Variants in CAPRIN1 observed in about 807,000 individuals in gnomAD.
CAPRIN1 encodes caprin-1.
In CAPRIN1, 29 loss-of-function variants were observed where a neutral mutation model predicts 100.9. The ratio of observed to expected loss-of-function variants is 0.29; its 90% CI spans 0.21 to 0.39. CAPRIN1 has a LOEUF of 0.39. Ranked by LOEUF, CAPRIN1 falls within the 10% of genes least tolerant of loss-of-function variation. CAPRIN1 has a pLI of 1.00. For synonymous variants in CAPRIN1, 338 were observed against 307.5 expected, an observed-to-expected ratio of 1.10 and a Z score of -1.04; for missense variants, 795 against 876.7, an observed-to-expected ratio of 0.91 and a Z score of 1.18.
intron 12 of CAPRIN1, 139 bp downstream of exon 12, chr11:34,089,595 C>A: frequency 2.5e-6 from 1 of 407,100 alleles, no homozygotes; most frequent in Non-Finnish European, 4.5e-6. Context: ...AGCGAGACAC[C>A]ATCTCTATTT....
At chr11:34,054,568 C>G (rs1850408369) in intron 2 of CAPRIN1, among the ~76,000 whole-genome samples, 1 of 152,072 alleles carries the variant, frequency 6.6e-6, no homozygotes, top group Non-Finnish European at 1.5e-5. Context: ...GCTGGGAGTA[C>G]AGGTGCCTGC....
In CAPRIN1 at chr11:34,092,047, CT is replaced by C; in HGVS notation, c.1698del (p.Gln567LysfsTer17). ...VEQTELQQEQ[L>X]QTVVGTYHGS... ...ACAAACAGAGCTTCAGCAAGAACAG[CT>C]TCAAACAGGTACGAAATCCAGTGTC... is the stretch of plus-strand genomic sequence containing the variant. On this transcript the variant is annotated frameshift_variant, in exon 15 of 19. Transcript: ENST00000341394. LOFTEE classifies it high-confidence loss of function. The C allele has an allele frequency of 6.2e-7, 1 of 1,613,614 alleles. No homozygotes were observed. The highest frequency in any genetic ancestry group is 8.5e-7 in the Non-Finnish European group (1 of 1,179,836).
At chr11:34,078,696 A>G (rs939694013) in intron 6 of CAPRIN1, among the ~76,000 whole-genome samples, 12 of 151,930 alleles carry the variant, frequency 7.9e-5, no homozygotes, top group Non-Finnish European at 1.5e-4. Context: ...CTTGTTTTTT[A>G]TTCCCTGTAT....
intron 11 of CAPRIN1, among the ~76,000 whole-genome samples, chr11:34,086,694 A>G (rs1461450065): frequency 6.6e-6 from 1 of 152,216 alleles, no homozygotes; most frequent in Non-Finnish European, 1.5e-5. Context: ...AGCTAGATTA[A>G]GAAATGAAAC....
rs1590736280 is a variant in CAPRIN1 at position 34,080,472 on chromosome 11, G to A, written c.826+707G>A. On this transcript the variant is annotated intron_variant, in intron 7 of 18. Coordinates refer to ENST00000341394, the MANE Select transcript of CAPRIN1 (RefSeq NM_005898.5). Reference sequence around the variant, plus strand: ...GTGCATTGGAGGAATAGTATGAGTTGCTTTTGTTTTGTTTTAATCATGGGG... The same window carrying A: ...GTGCATTGGAGGAATAGTATGAGTTACTTTTGTTTTGTTTTAATCATGGGG... Among the ~76,000 whole-genome samples, 6 of 152,266 alleles carry A rather than the reference G, an allele frequency of 3.9e-5. 1 individual carries two copies. The highest frequency in any genetic ancestry group is 3.9e-4 in the Admixed American group (6 of 15,292).
intron 2 of CAPRIN1, among the ~76,000 whole-genome samples, chr11:34,060,764 G>A (rs369488573): frequency 1.3e-5 from 1 of 76,592 alleles, no homozygotes; most frequent in Non-Finnish European, 3.3e-5. Flanking sequence ...TTTAGAAAAC[G>A]AAAAAGTATT....
chr11:34,060,195 CAAAA>C (rs1175800677), intron 2 of CAPRIN1, among the ~76,000 whole-genome samples: 7 of 40,472 alleles, frequency 1.7e-4, no homozygotes, highest in South Asian at 1.0e-3. Flanking sequence ...TACTCCATCT[CAAAA>C]AAAAAAAAAA....
chr11:34,090,682 A>T lies in CAPRIN1; in HGVS notation c.1554+4A>T, dbSNP rs200443974. On this transcript the variant is annotated splice_donor_region_variant and intron_variant, in intron 14 of 18. Coordinates refer to ENST00000341394, the MANE Select transcript of CAPRIN1 (RefSeq NM_005898.5). ...TCCATTCCAATCCATGCAAACGGTA[A>T]GCAAATTAACTAACATTAATTGCCT... is the stretch of plus-strand genomic sequence containing the variant. 29 of 1,611,394 alleles carry T rather than the reference A, an allele frequency of 1.8e-5. No homozygotes were observed. The highest frequency in any genetic ancestry group is 2.4e-5 in the Non-Finnish European group (28 of 1,177,948).
rs535958398 is a variant in CAPRIN1 at position 34,074,865 on chromosome 11, C to T, written c.367-1371C>T. On this transcript the variant is annotated intron_variant, in intron 4 of 18. Transcript: ENST00000341394. ...ACTCCTGGGCAACAGAGTGAGACTC[C>T]ATCTCAAAAAACAAACAAAAAACAC... Among the ~76,000 whole-genome samples, 57 of 151,106 alleles carry T rather than the reference C, an allele frequency of 3.8e-4. 1 individual carries two copies. Among genetic ancestry groups the T allele is most frequent in the Admixed American group, 1.4e-3 (21 of 15,202 alleles).
chr11:34,061,338 C>G (rs541620549), intron 2 of CAPRIN1, among the ~76,000 whole-genome samples: 1 of 151,374 alleles, frequency 6.6e-6, no homozygotes, highest in South Asian at 2.1e-4. Flanking sequence ...TCCCAAGTAG[C>G]TGGTATTATA....
chr11:34,094,563 C>G (rs550166036), intron 15 of CAPRIN1, among the ~76,000 whole-genome samples: 1 of 152,104 alleles, frequency 6.6e-6, no homozygotes, highest in Non-Finnish European at 1.5e-5. Flanking sequence ...GTAATCCCAG[C>G]TCTTTGGGAG....
intron 6 of CAPRIN1, among the ~76,000 whole-genome samples, chr11:34,077,057 A>G (rs1002315843): frequency 6.6e-6 from 1 of 152,220 alleles, no homozygotes; most frequent in African/African-American, 2.4e-5. Flanking sequence ...TAAAATTAAT[A>G]TTAATTGAAT....
chr11:34,067,637 T>C (rs1850725278), intron 2 of CAPRIN1, among the ~76,000 whole-genome samples: 2 of 152,122 alleles, frequency 1.3e-5, no homozygotes, highest in Admixed American at 6.5e-5. Context: ...CCATAGGCAC[T>C]AAGTTAAAAA....
rs1023576666 is a variant in CAPRIN1 at position 34,099,003 on chromosome 11, T to C, written c.2066-300T>C. 3.2e-6 allele frequency: 4 copies of C among 1,252,546 alleles called. No homozygotes were observed. In the Admixed American group the frequency reaches 1.4e-4, roughly 45 times the overall value. The allele number at this position is 1,252,546 out of a possible 1,614,324, so 77.6% of individuals were successfully genotyped here. On this transcript the variant is annotated intron_variant, in intron 18 of 18. Transcript: ENST00000341394. The stretch of plus-strand genomic sequence containing the variant: ...TCTCTGCTGTATCTATTCCCAACGC[T>C]TGATGATGGTGCCTGGCACATAGTA...
At chr11:34,051,902 G>C (rs565892244) in intron 1 of CAPRIN1, 31 bp downstream of exon 1, 1 of 152,218 alleles carries the variant, frequency 6.6e-6, no homozygotes, top group African/African-American at 2.4e-5. Flanking sequence ...AGCCGCTGCA[G>C]GGGAAGAGGG....
intron 4 of CAPRIN1, among the ~76,000 whole-genome samples, chr11:34,074,855 A>C (rs1463529999): frequency 1.3e-5 from 2 of 152,060 alleles, no homozygotes; most frequent in Non-Finnish European, 2.9e-5. Flanking sequence ...TGGGCAACAG[A>C]GTGAGACTCC....
At chr11:34,076,666 G>T in intron 6 of CAPRIN1, 24 bp downstream of exon 6, 2 of 1,466,384 alleles carry the variant, frequency 1.4e-6, no homozygotes, top group South Asian at 2.4e-5. Context: ...TGATAACTTT[G>T]ATTTTATAAC....
chr11:34,090,319 T>G, intron 13 of CAPRIN1, 30 bp downstream of exon 13: 2 of 1,436,954 alleles, frequency 1.4e-6, no homozygotes, highest in Non-Finnish European at 2.0e-6. Context: ...CACATACATT[T>G]GATGAGGCAC....
chr11:34,052,819 G>A, intron 2 of CAPRIN1, 183 bp downstream of exon 2: 2 of 1,450,188 alleles, frequency 1.4e-6, no homozygotes, highest in Non-Finnish European at 1.8e-6. Flanking sequence ...CAGAAAACGG[G>A]CTCTTGGAAG....
Sources: gnomAD v4.1 joint callset for allele counts (sites outside exome capture counted in the v4.1 genomes callset) on GRCh38, gnomAD v4.1.1 for gene constraint, MANE v1.5 for transcripts, NCBI Gene and HGNC (gene_info 2026-07-23, HGNC 2026-07-21) for gene names.